CEP112: variants seen among roughly 807,000 people sequenced by gnomAD.
CEP112 encodes the protein centrosomal protein of 112 kDa.
Under a neutral mutation model 153.0 loss-of-function variants are expected in CEP112, and 127 were observed. The observed-to-expected ratio is 0.83, with a 90% CI of 0.72 to 0.96. The LOEUF (loss-of-function observed/expected upper bound fraction) is 0.96. CEP112 is among the 40% of genes least tolerant of loss of function. The pLI, the probability that CEP112 is intolerant of heterozygous loss-of-function variation, is 0.00. For missense variants in CEP112, 1,089 were observed against 1,101.2 expected (o/e 0.99, Z 0.16); for synonymous variants, 358 against 374.4 (o/e 0.96, Z 0.51).
intron 21 of CEP112, among the ~76,000 whole-genome samples, chr17:65,784,814 T>A (rs1365694157): frequency 1.3e-5 from 2 of 152,206 alleles, no homozygotes; most frequent in African/African-American, 4.8e-5. Context: ...TAGTAAGATA[T>A]AATTCACATA....
chr17:66,171,555 T>C (rs189051001), intron 4 of CEP112, among the ~76,000 whole-genome samples: 1 of 152,140 alleles, frequency 6.6e-6, no homozygotes, highest in Non-Finnish European at 1.5e-5. Context: ...TCACTCAGAG[T>C]AAAGGAGGAA....
At chr17:65,759,254 G>A (rs1223852184) in intron 21 of CEP112, among the ~76,000 whole-genome samples, 1 of 152,142 alleles carries the variant, frequency 6.6e-6, no homozygotes, top group Non-Finnish European at 1.5e-5. Context: ...TGGGCAACCA[G>A]CAACCCTAGG....
chr17:66,178,705 C>G (rs754783420), intron 2 of CEP112, among the ~76,000 whole-genome samples: 2 of 151,894 alleles, frequency 1.3e-5, no homozygotes, highest in Non-Finnish European at 2.9e-5. Context: ...AGATTTCAGT[C>G]TTTAATCCAT....
rs112453406 is a variant in CEP112, at chr17:65,797,057, AAAC to A, written c.2395-46336_2395-46334del. The A allele has an allele frequency of 2.4e-3, 354 of 149,698 alleles. 1 individual carries two copies. Among genetic ancestry groups the A allele is most frequent in the African/African-American group, 6.8e-3 (277 of 40,564 alleles). The allele number at this position is 149,698 out of a possible 1,614,324, so 9.3% of individuals were successfully genotyped here. A position where few individuals can be genotyped will look rare whatever the true frequency, so the allele number is the denominator to read the frequency against. ...GTGATGGAGTAAGACTCTGTCTCAAAAACAACAACAACAACAACAACAACAACA... is the reference window on the plus strand; with the variant it reads ...GTGATGGAGTAAGACTCTGTCTCAAAAACAACAACAACAACAACAACAACA... On this transcript the variant is annotated intron_variant, in intron 21 of 26. Transcript: ENST00000535342.
At chr17:65,927,103 T>TCA (rs149404040) in intron 19 of CEP112, among the ~76,000 whole-genome samples, 5,729 of 152,186 alleles carry the variant, frequency 0.038, 321 homozygotes, top group African/African-American at 0.12. Flanking sequence ...CACTCTGAGT[T>TCA]TGAGTGACCT....
At chr17:66,181,924 A>C (rs922285699) in intron 2 of CEP112, 1 of 152,264 alleles carries the variant, frequency 6.6e-6, no homozygotes, top group Non-Finnish European at 1.5e-5. Context: ...CAAGAGCAGA[A>C]GGCAGAGGAG....
rs962551193 is a variant in CEP112, at chr17:65,729,879, C to A, written c.2607+13189G>T. Among the ~76,000 whole-genome samples, 90 of 152,070 alleles carry A rather than the reference C, an allele frequency of 5.9e-4. 3 individuals carry two copies. Among genetic ancestry groups the A allele is most frequent in the Non-Finnish European group, 1.5e-5 (1 of 68,034 alleles). Reference sequence around the variant, plus strand: ...AGAGAGCCAAGATCGTGCCACTGCACTCCAGCCTGGGCCACATAGCGAGAT... The same window carrying A: ...AGAGAGCCAAGATCGTGCCACTGCAATCCAGCCTGGGCCACATAGCGAGAT... On this transcript the variant is annotated intron_variant, in intron 23 of 26. Coordinates refer to ENST00000535342, the MANE Select transcript of CEP112 (RefSeq NM_001199165.4).
intron 17 of CEP112, among the ~76,000 whole-genome samples, chr17:65,982,283 G>A (rs114512457): frequency 0.039 from 5,899 of 152,186 alleles, 164 homozygotes; most frequent in South Asian, 0.11. Flanking sequence ...ATTCGTCAGA[G>A]TGCTTTTGGT....
At chr17:65,928,340 G>T (rs1158870997) in intron 18 of CEP112, among the ~76,000 whole-genome samples, 1 of 152,160 alleles carries the variant, frequency 6.6e-6, no homozygotes, top group Non-Finnish European at 1.5e-5. Context: ...AATATAAAAT[G>T]GTATAGACAT....
At chr17:65,939,712 T>A (rs1012381672) in intron 18 of CEP112, among the ~76,000 whole-genome samples, 4 of 152,166 alleles carry the variant, frequency 2.6e-5, no homozygotes, top group Non-Finnish European at 5.9e-5. Flanking sequence ...AATTGGGTTT[T>A]TATCATACAC....
chr17:65,703,633 T>A (rs1305462998), intron 23 of CEP112, among the ~76,000 whole-genome samples: 1 of 149,788 alleles, frequency 6.7e-6, no homozygotes, highest in African/African-American at 2.5e-5. Flanking sequence ...GCCTCTACGT[T>A]TTGCCACCAA....
At chr17:65,953,713 G>A (rs1201587430) in intron 18 of CEP112, among the ~76,000 whole-genome samples, 1 of 152,034 alleles carries the variant, frequency 6.6e-6, no homozygotes, top group Admixed American at 6.5e-5. Flanking sequence ...TGACCTGTAT[G>A]GCTCACTAGA....
intron 20 of CEP112, among the ~76,000 whole-genome samples, chr17:65,897,124 T>C (rs1398984199): frequency 6.6e-6 from 1 of 152,038 alleles, no homozygotes; most frequent in Non-Finnish European, 1.5e-5. Flanking sequence ...TGTGACCATG[T>C]GTGTCACTAG....
intron 16 of CEP112, among the ~76,000 whole-genome samples, chr17:66,012,152 T>A (rs748705942): frequency 7.9e-5 from 12 of 152,204 alleles, no homozygotes; most frequent in Non-Finnish European, 1.6e-4. Context: ...CAGCATACCA[T>A]TGGGTCTTGC....
chr17:66,145,685 C>A (rs1401857728), intron 4 of CEP112, among the ~76,000 whole-genome samples: 1 of 152,136 alleles, frequency 6.6e-6, no homozygotes, highest in Non-Finnish European at 1.5e-5. Flanking sequence ...ATAAATCCAT[C>A]TATCCTTTCA....
At chr17:66,041,637 A>G (rs1420447680) in intron 12 of CEP112, among the ~76,000 whole-genome samples, 1 of 152,176 alleles carries the variant, frequency 6.6e-6, no homozygotes, top group East Asian at 1.9e-4. Flanking sequence ...ATTTCTCCAT[A>G]TAATCCGTAT....
At chr17:66,109,706 T>C (rs1443196293) in intron 6 of CEP112, among the ~76,000 whole-genome samples, 5 of 152,182 alleles carry the variant, frequency 3.3e-5, no homozygotes, top group African/African-American at 1.2e-4. Context: ...AATTCTTAAG[T>C]TGATCTAGCA....
intron 6 of CEP112, among the ~76,000 whole-genome samples, chr17:66,121,891 T>C (rs982249042): frequency 6.6e-6 from 1 of 152,038 alleles, no homozygotes; most frequent in African/African-American, 2.4e-5. Context: ...TTTCTGTTTT[T>C]TGCTCTTGTT....
At chr17:65,662,117 C>T (rs1339200653) in intron 24 of CEP112, among the ~76,000 whole-genome samples, 1 of 152,092 alleles carries the variant, frequency 6.6e-6, no homozygotes, top group Non-Finnish European at 1.5e-5. Flanking sequence ...CACAGGTGGG[C>T]ACCACCACGC....
Sources: allele counts gnomAD v4.1 joint callset (sites outside exome capture counted in the v4.1 genomes callset), GRCh38; gene constraint gnomAD v4.1.1; transcripts MANE v1.5; gene names NCBI Gene and HGNC (gene_info 2026-07-23, HGNC 2026-07-21).